Variants in MAPKAPK2 observed in about 807,000 individuals in gnomAD.
MAPKAPK2 encodes the protein MAPK activated protein kinase 2, also known as MAP kinase-activated protein kinase 2.
MAPKAPK2 carries 9 observed loss-of-function variants against 48.8 expected under a neutral mutation model. That is an observed-to-expected ratio of 0.18 (90% CI 0.11 to 0.32). The LOEUF is 0.32. Among genes scored for constraint, MAPKAPK2 ranks in the 10% least tolerant of loss-of-function variants. MAPKAPK2 has a pLI of 1.00. For missense variants in MAPKAPK2, 331 were observed against 498.3 expected, an observed-to-expected ratio of 0.66 and a Z score of 3.20; for synonymous variants, 202 against 190.6, an observed-to-expected ratio of 1.06 and a Z score of -0.49.
chr1:206,711,471 G>C (rs1361085960), intron 1 of MAPKAPK2, among the ~76,000 whole-genome samples: 1 of 151,962 alleles, frequency 6.6e-6, no homozygotes, highest in African/African-American at 2.4e-5. Context: ...GGCTGGTCTC[G>C]AACTCCTGAC....
intron 1 of MAPKAPK2, among the ~76,000 whole-genome samples, chr1:206,723,798 G>T (rs1673618854): frequency 6.6e-6 from 1 of 152,224 alleles, no homozygotes. Flanking sequence ...AGAGAGGCAT[G>T]GGACTGTATT....
chr1:206,703,463 C>T (rs1460772627), intron 1 of MAPKAPK2, among the ~76,000 whole-genome samples: 1 of 152,102 alleles, frequency 6.6e-6, no homozygotes, highest in Non-Finnish European at 1.5e-5. Context: ...TGGAATGGGG[C>T]TGGGGCTGCT....
intron 1 of MAPKAPK2, among the ~76,000 whole-genome samples, chr1:206,690,218 A>G (rs1672415202): frequency 6.6e-6 from 1 of 152,204 alleles, no homozygotes; most frequent in African/African-American, 2.4e-5. Flanking sequence ...TTATGAGGGA[A>G]GGGTCAGGTT....
At chr1:206,721,600 G>A (rs1314566009) in intron 1 of MAPKAPK2, among the ~76,000 whole-genome samples, 9 of 152,316 alleles carry the variant, frequency 5.9e-5, no homozygotes, top group South Asian at 2.1e-4. Context: ...TTACTGTGGG[G>A]TGGTGGAAAG....
intron 1 of MAPKAPK2, among the ~76,000 whole-genome samples, chr1:206,707,476 G>T (rs1437263077): frequency 2.0e-5 from 3 of 152,156 alleles, no homozygotes; most frequent in Non-Finnish European, 4.4e-5. Flanking sequence ...GAAAAAAGGG[G>T]CTGGTTGTAG....
At chr1:206,688,792 G>A (rs1233671915) in intron 1 of MAPKAPK2, among the ~76,000 whole-genome samples, 2 of 152,050 alleles carry the variant, frequency 1.3e-5, no homozygotes, top group Non-Finnish European at 2.9e-5. Context: ...CCGTCACCAT[G>A]CCCGGCTAAT....
intron 1 of MAPKAPK2, among the ~76,000 whole-genome samples, chr1:206,696,759 C>T (rs193189973): frequency 5.3e-5 from 8 of 152,260 alleles, no homozygotes; most frequent in African/African-American, 1.9e-4. Flanking sequence ...TTATACTTAG[C>T]TGCTGAATAA....
At position 206,732,393 on chromosome 1, in the gene MAPKAPK2, G is replaced by T; in HGVS notation, c.1060-182G>T. ...ATAGCCAGGCTCTCTGCTGCCCAGC[G>T]CTGGGGTGAGGCTGCCGTTGTCAGC... On this transcript the variant is annotated intron_variant, in intron 9 of 9. Transcript: ENST00000367103. The surrounding 1 kb of genome is among the most constrained non-coding windows in gnomAD (Gnocchi z 4.4). 6.9e-7 allele frequency: 1 copy of T among 1,453,944 alleles called. No individual in the cohort carries two copies. Among genetic ancestry groups the T allele is most frequent in the Non-Finnish European group, 9.1e-7 (1 of 1,103,212 alleles). The allele number at this position is 1,453,944 out of a possible 1,614,324, so 90.1% of individuals were successfully genotyped here.
At chr1:206,688,045 C>T (rs782336346) in intron 1 of MAPKAPK2, among the ~76,000 whole-genome samples, 11 of 152,154 alleles carry the variant, frequency 7.2e-5, no homozygotes, top group Non-Finnish European at 1.5e-4. Context: ...GAAAAAGAGT[C>T]CCAGCTCACC....
At chr1:206,698,491 C>T (rs1270082339) in intron 1 of MAPKAPK2, among the ~76,000 whole-genome samples, 1 of 152,146 alleles carries the variant, frequency 6.6e-6, no homozygotes, top group African/African-American at 2.4e-5. Context: ...CTAAGGATAG[C>T]TCAAAACAGC....
At chr1:206,730,263 G>A (rs1463504122) in intron 5 of MAPKAPK2, among the ~76,000 whole-genome samples, 165 bp downstream of exon 5, 1 of 152,204 alleles carries the variant, frequency 6.6e-6, no homozygotes, top group Non-Finnish European at 1.5e-5. Context: ...TTGTCAGAGC[G>A]AAGCTACAGT....
chr1:206,711,164 T>C (rs1553429380), intron 1 of MAPKAPK2, among the ~76,000 whole-genome samples: 1 of 152,258 alleles, frequency 6.6e-6, no homozygotes, highest in African/African-American at 2.4e-5. Flanking sequence ...CACCATGCTT[T>C]TTCTCTTTTT....
At chr1:206,720,934 A>G (rs1553431123) in intron 1 of MAPKAPK2, among the ~76,000 whole-genome samples, 2 of 152,192 alleles carry the variant, frequency 1.3e-5, no homozygotes, top group African/African-American at 4.8e-5. Context: ...GTGGCTGTAG[A>G]TTGTGTAGCT....
In MAPKAPK2 at chr1:206,731,299, CGTGTGT is replaced by C. The variant is rs58152125; in HGVS notation, c.892+52_892+57del. On this transcript the variant is annotated intron_variant, in intron 7 of 9. Coordinates refer to ENST00000367103, the MANE Select transcript of MAPKAPK2 (RefSeq NM_032960.4). This position sits in a 1 kb window ranked among gnomAD's most constrained non-coding sequence, Gnocchi z 5.9. Reference sequence around the variant, plus strand: ...GGCTTTCAGGACAAGGGGAAGAGCCCGTGTGTGTGTGTGTGTGTGTATGTGTGTACA... The same window carrying C: ...GGCTTTCAGGACAAGGGGAAGAGCCCGTGTGTGTGTGTGTATGTGTGTACA... The C allele has an allele frequency of 6.4e-5, 100 of 1,561,778 alleles. No individual in the cohort carries two copies. Among genetic ancestry groups the C allele is most frequent in the Non-Finnish European group, 8.7e-5 (99 of 1,143,408 alleles).
chr1:206,713,953 TC>T (rs1378240178), intron 1 of MAPKAPK2, among the ~76,000 whole-genome samples: 1 of 152,060 alleles, frequency 6.6e-6, no homozygotes, highest in Non-Finnish European at 1.5e-5. Flanking sequence ...TGGGAGATCT[TC>T]CCAGAGACAA....
intron 3 of MAPKAPK2, 118 bp downstream of exon 3, chr1:206,729,217 T>C: frequency 8.2e-7 from 1 of 1,223,266 alleles, no homozygotes; most frequent in Non-Finnish European, 1.2e-6. Flanking sequence ...CCCTCCAGCA[T>C]GCTGCAAGGG....
At chr1:206,723,005 A>C (rs1673579784) in intron 1 of MAPKAPK2, among the ~76,000 whole-genome samples, 1 of 152,158 alleles carries the variant, frequency 6.6e-6, no homozygotes, top group Non-Finnish European at 1.5e-5. Context: ...TTATTTGCCA[A>C]CACATACCGC....
chr1:206,730,930 C>T (rs1228487298), intron 6 of MAPKAPK2, among the ~76,000 whole-genome samples, 167 bp downstream of exon 6: 1 of 152,176 alleles, frequency 6.6e-6, no homozygotes, highest in Admixed American at 6.5e-5. Flanking sequence ...TAAACCAGCT[C>T]ATGGGCTGGA....
At chr1:206,719,054 T>C (rs1459075578) in intron 1 of MAPKAPK2, among the ~76,000 whole-genome samples, 1 of 152,222 alleles carries the variant, frequency 6.6e-6, no homozygotes, top group East Asian at 1.9e-4. Flanking sequence ...ACACTGAGTG[T>C]CTTCCATTCA....
Sources: gnomAD v4.1 joint callset for allele counts (sites outside exome capture counted in the v4.1 genomes callset) on GRCh38, gnomAD v4.1.1 for gene constraint, Gnocchi (gnomAD v3.1) non-coding constraint, MANE v1.5 for transcripts, NCBI Gene and HGNC (gene_info 2026-07-23, HGNC 2026-07-21) for gene names.